Variants in HOOK1 observed in about 807,000 individuals in gnomAD.
HOOK1 encodes the protein hook microtubule tethering protein 1.
A neutral mutation model predicts 112.8 loss-of-function variants in HOOK1; 60 were observed. The ratio of observed to expected loss-of-function variants is 0.53; its 90% confidence interval spans 0.43 to 0.66. The LOEUF (loss-of-function observed/expected upper bound fraction) is 0.66. Among genes scored for constraint, HOOK1 ranks in the 30% least tolerant of loss-of-function variants. The pLI, the probability that HOOK1 is intolerant of heterozygous loss-of-function variation, is 0.00. For missense variants in HOOK1, 770 were observed against 856.0 expected (o/e 0.90, Z 1.25); for synonymous variants, 294 against 283.8 (o/e 1.04, Z -0.36).
chr1:59,859,508 T>A (rs1312107039), intron 14 of HOOK1, among the ~76,000 whole-genome samples: 3 of 151,984 alleles, frequency 2.0e-5, no homozygotes, highest in Admixed American at 6.6e-5. Flanking sequence ...GCTTTTTTTT[T>A]AAGAGTTATA....
intron 1 of HOOK1, among the ~76,000 whole-genome samples, chr1:59,818,575 G>A (rs1268649060): frequency 6.6e-6 from 1 of 152,170 alleles, no homozygotes; most frequent in Non-Finnish European, 1.5e-5. Flanking sequence ...ATTTAATTCT[G>A]CTACTTGGTT....
chr1:59,835,240 G>A (rs1380359902), intron 5 of HOOK1, 105 bp from the exon 6 acceptor site: 8 of 703,108 alleles, frequency 1.1e-5, no homozygotes, highest in Non-Finnish European at 1.8e-5. Context: ...TTTACATAAA[G>A]GATTATCTGT....
At chr1:59,835,467 A>G in intron 6 of HOOK1, 55 bp downstream of exon 6, 1 of 949,034 alleles carries the variant, frequency 1.1e-6, no homozygotes, top group South Asian at 1.5e-5. Flanking sequence ...ATTATACAAA[A>G]CTTTTCATAC....
intron 3 of HOOK1, 141 bp downstream of exon 3, chr1:59,828,993 A>T (rs1244989680): frequency 1.6e-6 from 1 of 619,988 alleles, no homozygotes; most frequent in African/African-American, 1.9e-5. Context: ...GTATTCTCTC[A>T]TGTAACTACC....
rs1430654417 is a variant in HOOK1, at chr1:59,874,858, C to T, written c.*1893C>T. ...TTACTGAAAATACAAGAATTTCGTACTGCATTTGCATCTCCGAGATTAGGG... is the reference window on the plus strand; with the variant it reads ...TTACTGAAAATACAAGAATTTCGTATTGCATTTGCATCTCCGAGATTAGGG... On this transcript the variant is annotated 3_prime_UTR_variant, in exon 22 of 22. Coordinates refer to ENST00000371208, the MANE Select transcript of HOOK1 (RefSeq NM_015888.6). The T allele has an allele frequency of 6.6e-6, 1 of 152,514 alleles. No individual in the cohort carries two copies. The highest frequency in any genetic ancestry group is 2.4e-5 in the African/African-American group (1 of 41,422). The allele number at this position is 152,514 out of a possible 1,614,324, so 9.4% of individuals were successfully genotyped here. A position where few individuals can be genotyped will look rare whatever the true frequency, so the allele number is the denominator to read the frequency against.
chr1:59,848,401 A>C lies in HOOK1; in HGVS notation c.1016A>C (p.Gln339Pro). The C allele has an allele frequency of 6.2e-7, 1 of 1,611,480 alleles. No homozygotes were observed. Among genetic ancestry groups the C allele is most frequent in the Non-Finnish European group, 8.5e-7 (1 of 1,178,136 alleles). Residue 339 changes from glutamine to proline, a missense_variant, in exon 11 of 22, where the codon CAG becomes CCG. Physicochemically the swap from Gln to Pro is moderately conservative, Grantham distance 76. Coordinates refer to ENST00000371208, the MANE Select transcript of HOOK1 (RefSeq NM_015888.6). ...KLQDLNDLRK[Q>P]VKTLQETNMM... is the part of the protein sequence containing the mutation. ...CAAGATCTGAATGACCTTCGCAAGC[A>C]GGTGAAAACTTTACAGGAAACCAAC... is the stretch of plus-strand genomic sequence containing the variant.
intron 19 of HOOK1, 125 bp from the exon 20 acceptor site, chr1:59,868,125 A>C (rs914263689): frequency 4.2e-5 from 25 of 595,090 alleles, no homozygotes; most frequent in African/African-American, 9.4e-5. Context: ...AACAAGCTAC[A>C]GTTAGCTCTT....
Position 59,815,200 on chromosome 1 carries a change from A to G in HOOK1, c.63+20A>G, listed in dbSNP as rs1317238554. On this transcript the variant is annotated intron_variant, in intron 1 of 21. Coordinates refer to ENST00000371208, the MANE Select transcript of HOOK1 (RefSeq NM_015888.6). ...ATCTGGGTGAGTGCGAGGAGGCGAG[A>G]GGGCGAGGGGGCCAGGGGGCCGAGG... The G allele has an allele frequency of 1.3e-6, 2 of 1,541,102 alleles. No individual in the cohort carries two copies. Among genetic ancestry groups the G allele is most frequent in the South Asian group, 2.4e-5 (2 of 83,934 alleles).
chr1:59,873,038 CAACT>C lies in HOOK1; in HGVS notation c.*79_*82del. 1.8e-6 allele frequency: 2 copies of C among 1,118,582 alleles called. No individual in the cohort carries two copies. Among genetic ancestry groups the C allele is most frequent in the Middle Eastern group, 4.5e-4 (2 of 4,490 alleles). 69.3% of individuals were successfully genotyped at this position (1,118,582 alleles called of 1,614,324 possible). A position where few individuals can be genotyped will look rare whatever the true frequency, so the allele number is the denominator to read the frequency against. On this transcript the variant is annotated 3_prime_UTR_variant, in exon 22 of 22. Transcript: ENST00000371208. The stretch of plus-strand genomic sequence containing the variant: ...TGTCCTTAAAATATTTTGTACCTTT[CAACT>C]AACTACCAGATTGAAAAAGAGTTTA...
rs2098380005 is a variant in HOOK1, at chr1:59,815,004, G to C, written c.-114G>C. 9.1e-7 allele frequency: 1 copy of C among 1,097,722 alleles called. No individual in the cohort carries two copies. The highest frequency in any genetic ancestry group is 1.3e-6 in the Non-Finnish European group (1 of 753,446). The allele number at this position is 1,097,722 out of a possible 1,614,324, so 68.0% of individuals were successfully genotyped here. A position where few individuals can be genotyped will look rare whatever the true frequency, so the allele number is the denominator to read the frequency against. On this transcript the variant is annotated 5_prime_UTR_variant, in exon 1 of 22. Coordinates refer to ENST00000371208, the MANE Select transcript of HOOK1 (RefSeq NM_015888.6). The stretch of plus-strand genomic sequence containing the variant: ...TTCGCGCGTGAGCTGCGCGGGTCGG[G>C]CCTGGTACCGAGCTTTCCTGGGGGC...
intron 5 of HOOK1, 46 bp from the exon 6 acceptor site, chr1:59,835,299 G>T (rs775080548): frequency 2.0e-6 from 2 of 1,007,674 alleles, no homozygotes; most frequent in Non-Finnish European, 3.2e-6. Context: ...AAGGTACTAT[G>T]TGTAAAGAGT....
Position 59,847,155 on chromosome 1 carries a change from GA to G in HOOK1, c.900del (p.Ala301ProfsTer2). ...DELTSLAEET[R>X]ALKDEIDVLR... is the part of the protein sequence containing the mutation. The stretch of plus-strand genomic sequence containing the variant: ...TTGACTAGTCTTGCAGAAGAAACAA[GA>G]GCCCTGAAAGATGAAATAGATGTTC... On this transcript the variant is annotated frameshift_variant, in exon 10 of 22. Coordinates refer to ENST00000371208, the MANE Select transcript of HOOK1 (RefSeq NM_015888.6). LOFTEE classifies it high-confidence loss of function. 1 of 1,604,718 alleles carries G rather than the reference GA, an allele frequency of 6.2e-7. No homozygotes were observed. Among genetic ancestry groups the G allele is most frequent in the Non-Finnish European group, 8.5e-7 (1 of 1,176,096 alleles).
intron 12 of HOOK1, among the ~76,000 whole-genome samples, chr1:59,857,183 A>G (rs1403479804): frequency 6.6e-6 from 1 of 152,176 alleles, no homozygotes; most frequent in African/African-American, 2.4e-5. Context: ...GGAAGCTGCA[A>G]GACAGGTTAA....
chr1:59,832,860 T>C (rs1454495894), intron 4 of HOOK1, among the ~76,000 whole-genome samples: 2 of 152,208 alleles, frequency 1.3e-5, no homozygotes, highest in Non-Finnish European at 2.9e-5. Context: ...TTCTCTAAAA[T>C]TTTTCAATTT....
At chr1:59,863,004 T>C in intron 16 of HOOK1, 127 bp downstream of exon 16, 2 of 526,564 alleles carry the variant, frequency 3.8e-6, no homozygotes, top group Non-Finnish European at 7.0e-6. Context: ...AAATACCGTA[T>C]ATATCTGCAT....
intron 2 of HOOK1, among the ~76,000 whole-genome samples, chr1:59,827,410 C>T (rs1347563535): frequency 6.6e-6 from 1 of 152,202 alleles, no homozygotes; most frequent in Non-Finnish European, 1.5e-5. Context: ...CATTAAACAT[C>T]ACAACTGGCG....
At position 59,865,793 on chromosome 1, in the gene HOOK1, A is replaced by T. The variant is rs1197893133; in HGVS notation, c.1745-79A>T. 5 of 511,218 alleles carry T rather than the reference A, an allele frequency of 9.8e-6. No homozygotes were observed. In the East Asian group the frequency reaches 1.9e-4, roughly 19 times the overall value. The allele number at this position is 511,218 out of a possible 1,614,324, so 31.7% of individuals were successfully genotyped here. A position where few individuals can be genotyped will look rare whatever the true frequency, so the allele number is the denominator to read the frequency against. On this transcript the variant is annotated intron_variant, in intron 18 of 21. Coordinates refer to ENST00000371208, the MANE Select transcript of HOOK1 (RefSeq NM_015888.6). Reference sequence around the variant, plus strand: ...TTAGAAAATAAATATTATAAATATAATTTTATGTGAGGATGAAGTATTTTA... The same window carrying T: ...TTAGAAAATAAATATTATAAATATATTTTTATGTGAGGATGAAGTATTTTA...
intron 12 of HOOK1, among the ~76,000 whole-genome samples, chr1:59,854,030 A>C (rs1210433647): frequency 4.1e-5 from 1 of 24,248 alleles, no homozygotes; most frequent in Admixed American, 4.3e-4. Flanking sequence ...ATATATATAT[A>C]TATATATATT....
chr1:59,873,343 A>C lies in HOOK1; in HGVS notation c.*378A>C, dbSNP rs189510943. 123 of 155,544 alleles carry C rather than the reference A, an allele frequency of 7.9e-4. No individual in the cohort carries two copies. Among genetic ancestry groups the C allele is most frequent in the African/African-American group, 2.8e-3 (115 of 41,718 alleles). 9.6% of individuals were successfully genotyped at this position (155,544 alleles called of 1,614,324 possible). A position where few individuals can be genotyped will look rare whatever the true frequency, so the allele number is the denominator to read the frequency against. On this transcript the variant is annotated 3_prime_UTR_variant, in exon 22 of 22. Transcript: ENST00000371208. ...AGTAATACTTAATCTTAGAACATTAATTGGATTTGTTTAATCTTTTTTTGT... is the reference window on the plus strand; with the variant it reads ...AGTAATACTTAATCTTAGAACATTACTTGGATTTGTTTAATCTTTTTTTGT...
Sources: gnomAD v4.1 joint callset for allele counts (sites outside exome capture counted in the v4.1 genomes callset) on GRCh38, gnomAD v4.1.1 for gene constraint, MANE v1.5 for transcripts, NCBI Gene and HGNC (gene_info 2026-07-23, HGNC 2026-07-21) for gene names.